Variants in TNFRSF21 observed in about 807,000 individuals in gnomAD.
TNFRSF21 encodes the protein TNF receptor superfamily member 21.
A neutral mutation model predicts 45.6 loss-of-function variants in TNFRSF21; 19 were observed. The observed-to-expected ratio is 0.42, with a 90% CI of 0.29 to 0.61. The LOEUF is 0.61. TNFRSF21 is among the 20% of genes least tolerant of loss of function. TNFRSF21 has a pLI of 0.23. For missense variants in TNFRSF21, 737 were observed against 851.5 expected (o/e 0.87, Z 1.67); for synonymous variants, 314 against 335.5 (o/e 0.94, Z 0.70).
chr6:47,242,737 T>A (rs1338078643), intron 4 of TNFRSF21, among the ~76,000 whole-genome samples: 1 of 152,164 alleles, frequency 6.6e-6, no homozygotes, highest in Non-Finnish European at 1.5e-5. Context: ...ATTAGCTTTC[T>A]CAAAAAGAGG....
intron 3 of TNFRSF21, among the ~76,000 whole-genome samples, chr6:47,261,035 C>CCTGAGATGTACACAT (rs540923702): frequency 2.4e-4 from 37 of 152,266 alleles, no homozygotes; most frequent in African/African-American, 7.2e-4. Context: ...ACAGCAGTCT[C>CCTGAGATGTACACAT]CTGAGATGTA....
At chr6:47,286,877 C>T (rs1762657131) in intron 1 of TNFRSF21, among the ~76,000 whole-genome samples, 1 of 152,078 alleles carries the variant, frequency 6.6e-6, no homozygotes, top group African/African-American at 2.4e-5. Flanking sequence ...ATGAAACTGA[C>T]AATGCATCTC....
intron 3 of TNFRSF21, among the ~76,000 whole-genome samples, chr6:47,270,672 G>A (rs1762402380): frequency 6.6e-6 from 1 of 152,222 alleles, no homozygotes; most frequent in Non-Finnish European, 1.5e-5. Context: ...ACTTTGAGGA[G>A]TTGACAGAAG....
At chr6:47,270,549 G>A (rs1048788819) in intron 3 of TNFRSF21, among the ~76,000 whole-genome samples, 1 of 152,184 alleles carries the variant, frequency 6.6e-6, no homozygotes, top group Non-Finnish European at 1.5e-5. Context: ...AAACCACAAA[G>A]ATGGGGAGAA....
chr6:47,285,327 A>G (rs1762630112), intron 2 of TNFRSF21, among the ~76,000 whole-genome samples: 1 of 152,236 alleles, frequency 6.6e-6, no homozygotes, highest in Non-Finnish European at 1.5e-5. Flanking sequence ...AATAATTGAT[A>G]TAAGGAGTAA....
intron 4 of TNFRSF21, 35 bp from the exon 5 acceptor site, chr6:47,234,933 G>GAA (rs111550863): frequency 4.0e-4 from 446 of 1,116,978 alleles, no homozygotes; most frequent in South Asian, 1.1e-3. Flanking sequence ...ATTATATATA[G>GAA]AAAAAAAAAC....
rs543708624 is a variant in TNFRSF21, at chr6:47,273,953, G to A, written c.1243+9985C>T. The stretch of plus-strand genomic sequence containing the variant: ...CAAGGGATGTGAGGGACCTCTTCAA[G>A]GAGAACTACAAACACTGCTCAACGA... On this transcript the variant is annotated intron_variant, in intron 3 of 5. Coordinates refer to ENST00000296861, the MANE Select transcript of TNFRSF21 (RefSeq NM_014452.5). 4.3e-4 allele frequency among the ~76,000 whole-genome samples: 65 copies of A among 152,230 alleles called. 1 individual carries two copies. Among genetic ancestry groups the A allele is most frequent in the African/African-American group, 1.5e-3 (64 of 41,540 alleles).
intron 3 of TNFRSF21, among the ~76,000 whole-genome samples, chr6:47,277,822 A>G (rs1762520365): frequency 6.6e-6 from 1 of 152,202 alleles, no homozygotes; most frequent in Admixed American, 6.5e-5. Context: ...TTTCTAGTCT[A>G]TGATGCTTCT....
At chr6:47,281,382 T>C (rs1487847412) in intron 3 of TNFRSF21, among the ~76,000 whole-genome samples, 1 of 150,764 alleles carries the variant, frequency 6.6e-6, no homozygotes, top group Admixed American at 6.6e-5. Context: ...AATCTATATG[T>C]GATTTTTTTT....
intron 4 of TNFRSF21, among the ~76,000 whole-genome samples, chr6:47,245,207 A>C (rs1403273510): frequency 1.3e-5 from 2 of 152,176 alleles, no homozygotes; most frequent in African/African-American, 4.8e-5. Flanking sequence ...CCCTCTGTAT[A>C]GCAGCTTCAC....
At chr6:47,261,100 C>CAA (rs906808720) in intron 3 of TNFRSF21, among the ~76,000 whole-genome samples, 1 of 151,880 alleles carries the variant, frequency 6.6e-6, no homozygotes, top group Admixed American at 6.5e-5. Context: ...AACACCCCCC[C>CAA]AAACCTCCCT....
chr6:47,301,247 C>A (rs2017424), intron 1 of TNFRSF21, among the ~76,000 whole-genome samples: 1 of 152,028 alleles, frequency 6.6e-6, no homozygotes, highest in Admixed American at 6.6e-5. Context: ...ATCATTTATT[C>A]CTTAACTGTT....
rs900623160 is a variant in TNFRSF21, at chr6:47,249,036, T to G, written c.1509+4220A>C. On this transcript the variant is annotated intron_variant, in intron 4 of 5. Transcript: ENST00000296861. Reference sequence around the variant, plus strand: ...CTCAGGGTCCCTAAAATGACTATGTTGCCAGGACAGGGATTTAACCCGGCA... The same window carrying G: ...CTCAGGGTCCCTAAAATGACTATGTGGCCAGGACAGGGATTTAACCCGGCA... Among the ~76,000 whole-genome samples, 4 of 152,328 alleles carry G rather than the reference T, an allele frequency of 2.6e-5. No homozygotes were observed. The South Asian group carries it at 6.2e-4, about 24-fold the overall frequency.
intron 1 of TNFRSF21, among the ~76,000 whole-genome samples, chr6:47,287,630 A>G (rs1293821156): frequency 6.6e-6 from 1 of 152,198 alleles, no homozygotes; most frequent in East Asian, 1.9e-4. Context: ...ATTTATACAC[A>G]TATTTTGTGG....
At chr6:47,234,507 T>C (rs1764633105) in intron 5 of TNFRSF21, among the ~76,000 whole-genome samples, 163 bp downstream of exon 5, 1 of 152,182 alleles carries the variant, frequency 6.6e-6, no homozygotes, top group South Asian at 2.1e-4. Flanking sequence ...GCGAGGTTAC[T>C]CTCGGGCCAG....
intron 3 of TNFRSF21, among the ~76,000 whole-genome samples, chr6:47,283,645 G>T (rs1330660386): frequency 6.6e-6 from 1 of 152,154 alleles, no homozygotes; most frequent in Non-Finnish European, 1.5e-5. Flanking sequence ...TTTCTCATTT[G>T]TTAAATGACA....
intron 1 of TNFRSF21, among the ~76,000 whole-genome samples, chr6:47,296,538 T>G (rs1205222444): frequency 6.6e-6 from 1 of 152,010 alleles, no homozygotes; most frequent in Non-Finnish European, 1.5e-5. Context: ...AAGACCAAGG[T>G]ATGATGGAAG....
At position 47,309,475 on chromosome 6, in the gene TNFRSF21, A is replaced by G; in HGVS notation, c.37T>C (p.Ser13Pro). 1 of 1,528,778 alleles carries G rather than the reference A, an allele frequency of 6.5e-7. No homozygotes were observed. Among genetic ancestry groups the G allele is most frequent in the Non-Finnish European group, 8.7e-7 (1 of 1,145,330 alleles). The allele number at this position is 1,528,778 out of a possible 1,614,324, so 94.7% of individuals were successfully genotyped here. A position where few individuals can be genotyped will look rare whatever the true frequency, so the allele number is the denominator to read the frequency against. ...GCTCGGCGGGCGATGCGGCTGCAGG[A>G]GGCGAGGGCGGTGCTGCTGCTCGGA... ...TSPSSSTALA[S>P]CSRIARRATA... Residue 13 changes from serine (S) to proline (P), a missense_variant, in exon 1 of 6, where the codon TCC becomes CCC. Transcript: ENST00000296861.
rs375554717 is a variant in TNFRSF21, at chr6:47,290,880, A to C, written c.97-4285T>G. The stretch of plus-strand genomic sequence containing the variant: ...GTGCAAGACAGCATGCCATGGGCTG[A>C]GGATAGAATCTTGAGAACTCTATTC... On this transcript the variant is annotated intron_variant, in intron 1 of 5. Transcript: ENST00000296861. Among the ~76,000 whole-genome samples, 19 of 152,386 alleles carry C rather than the reference A, an allele frequency of 1.2e-4. 1 individual carries two copies. The South Asian group carries it at 3.1e-3, about 25-fold the overall frequency.
Sources: gnomAD v4.1 joint callset for allele counts (sites outside exome capture counted in the v4.1 genomes callset) on GRCh38, gnomAD v4.1.1 for gene constraint, MANE v1.5 for transcripts, NCBI Gene and HGNC (gene_info 2026-07-23, HGNC 2026-07-21) for gene names.